Variants in RABGAP1L observed in about 807,000 individuals in gnomAD.
RABGAP1L encodes RAB GTPase activating protein 1 like.
Under a neutral mutation model 137.7 loss-of-function variants are expected in RABGAP1L, and 63 were observed. The ratio of observed to expected loss-of-function variants is 0.46; its 90% CI spans 0.37 to 0.56. The LOEUF (loss-of-function observed/expected upper bound fraction) is 0.56. Among genes scored for constraint, RABGAP1L ranks in the 20% least tolerant of loss-of-function variants. The probability of loss-of-function intolerance (pLI) is 0.00; values close to 1 mark genes in which losing one functional copy is unlikely to be tolerated. For missense variants in RABGAP1L, 1,095 were observed against 1,244.0 expected (o/e 0.88, Z 1.80); for synonymous variants, 431 against 433.7 (o/e 0.99, Z 0.08).
chr1:174,797,511 G>A (rs1431435634), intron 18 of RABGAP1L, among the ~76,000 whole-genome samples: 9 of 142,578 alleles, frequency 6.3e-5, no homozygotes, highest in Non-Finnish European at 1.2e-4. Flanking sequence ...TGTGGGATGT[G>A]TGTGTAGGGG....
At chr1:174,452,994 A>G (rs1351641486) in intron 13 of RABGAP1L, among the ~76,000 whole-genome samples, 1 of 152,120 alleles carries the variant, frequency 6.6e-6, no homozygotes, top group Non-Finnish European at 1.5e-5. Flanking sequence ...CTTTTTGCAA[A>G]TCTATTTAAA....
intron 17 of RABGAP1L, among the ~76,000 whole-genome samples, chr1:174,744,875 A>G (rs562608016): frequency 6.6e-6 from 1 of 152,368 alleles, no homozygotes; most frequent in Admixed American, 6.5e-5. Context: ...TGATCATTAT[A>G]CTATGGTTAT....
intron 1 of RABGAP1L, among the ~76,000 whole-genome samples, chr1:174,207,027 C>T (rs1237298143): frequency 6.6e-6 from 1 of 152,088 alleles, no homozygotes; most frequent in East Asian, 1.9e-4. Flanking sequence ...ATAGAAGAAA[C>T]AAAACACTGA....
chr1:174,489,586 G>A (rs1660020430), intron 13 of RABGAP1L, among the ~76,000 whole-genome samples: 2 of 151,760 alleles, frequency 1.3e-5, no homozygotes, highest in Admixed American at 6.6e-5. Context: ...TGGTGGGACT[G>A]TAAACTAGTT....
Position 174,185,193 on chromosome 1 carries a change from A to G in RABGAP1L, c.-34+25536A>G, listed in dbSNP as rs867727606. Among the ~76,000 whole-genome samples, 5 of 152,282 alleles carry G rather than the reference A, an allele frequency of 3.3e-5. 1 individual carries two copies. The highest frequency in any genetic ancestry group is 6.8e-3 in the Middle Eastern group (2 of 294). ...GTGACAGTATCTGCAAAATATGGGG[A>G]CACCTTAAGATGCCTTATAATCTTT... is the stretch of plus-strand genomic sequence containing the variant. On this transcript the variant is annotated intron_variant, in intron 1 of 25. Coordinates refer to ENST00000681986, the MANE Select transcript of RABGAP1L (RefSeq NM_001366446.1).
chr1:174,565,096 A>G (rs956631356), intron 13 of RABGAP1L, among the ~76,000 whole-genome samples: 8 of 152,150 alleles, frequency 5.3e-5, no homozygotes, highest in African/African-American at 9.7e-5. Context: ...TAGAGGTCAC[A>G]TTTAGTGAGG....
intron 21 of RABGAP1L, among the ~76,000 whole-genome samples, chr1:174,974,891 C>T (rs1424025363): frequency 6.6e-6 from 1 of 152,236 alleles, no homozygotes; most frequent in Non-Finnish European, 1.5e-5. Context: ...CCCATCTGGA[C>T]ATGTGGGAGA....
intron 22 of RABGAP1L, among the ~76,000 whole-genome samples, chr1:174,978,028 G>A (rs927647384): frequency 1.3e-5 from 2 of 152,184 alleles, no homozygotes; most frequent in African/African-American, 4.8e-5. Flanking sequence ...TAAAGTTTAA[G>A]CAGAGTTGTT....
rs188814477 is a variant in RABGAP1L, at chr1:174,543,692, A to G, written c.1711-93683A>G. On this transcript the variant is annotated intron_variant, in intron 13 of 25. Coordinates refer to ENST00000681986, the MANE Select transcript of RABGAP1L (RefSeq NM_001366446.1). Reference sequence around the variant, plus strand: ...TTGATGCAGTTTCTTCCTAGCCTCGATGGTCTTTACCATTTGGCATGTTTT... The same window carrying G: ...TTGATGCAGTTTCTTCCTAGCCTCGGTGGTCTTTACCATTTGGCATGTTTT... 1.4e-4 allele frequency among the ~76,000 whole-genome samples: 22 copies of G among 152,256 alleles called. No homozygotes were observed. In the East Asian group the frequency reaches 4.2e-3, roughly 29 times the overall value.
At chr1:174,601,665 A>G in intron 13 of RABGAP1L, among the ~76,000 whole-genome samples, 1 of 152,266 alleles carries the variant, frequency 6.6e-6, no homozygotes, top group African/African-American at 2.4e-5. Context: ...AAATAAATAA[A>G]TAAGAAAAAT....
At chr1:174,897,744 C>T (rs1037653211) in intron 19 of RABGAP1L, 1 of 152,314 alleles carries the variant, frequency 6.6e-6, no homozygotes, top group Non-Finnish European at 1.5e-5. Context: ...AATCCCAGCA[C>T]TTTGGGAGGC....
intron 1 of RABGAP1L, among the ~76,000 whole-genome samples, chr1:174,188,532 A>G (rs999198162): frequency 2.0e-5 from 3 of 152,212 alleles, no homozygotes; most frequent in African/African-American, 7.2e-5. Flanking sequence ...AGCACTGTAG[A>G]GGGAGTGATT....
intron 18 of RABGAP1L, among the ~76,000 whole-genome samples, chr1:174,783,875 AT>A (rs200901482): frequency 0.021 from 3,105 of 149,844 alleles, 53 homozygotes; most frequent in Middle Eastern, 0.086. Context: ...TGCCTAGCTA[AT>A]TTTTTTTATC....
At chr1:174,648,878 G>A (rs1006463083) in intron 14 of RABGAP1L, among the ~76,000 whole-genome samples, 1 of 152,098 alleles carries the variant, frequency 6.6e-6, no homozygotes, top group Non-Finnish European at 1.5e-5. Context: ...ATGAATCTGG[G>A]TGCTCCTATG....
At chr1:174,314,076 G>A (rs1396569816) in intron 11 of RABGAP1L, among the ~76,000 whole-genome samples, 1 of 152,086 alleles carries the variant, frequency 6.6e-6, no homozygotes, top group Non-Finnish European at 1.5e-5. Context: ...GCAGTAGTTC[G>A]ATTTGGATTG....
chr1:174,435,810 C>G (rs1357564524), intron 13 of RABGAP1L, among the ~76,000 whole-genome samples: 1 of 139,796 alleles, frequency 7.2e-6, no homozygotes, highest in Non-Finnish European at 1.5e-5. Context: ...CCCCTCTCCC[C>G]CGACACCACA....
chr1:174,880,333 C>T (rs1171591391), intron 19 of RABGAP1L, among the ~76,000 whole-genome samples: 2 of 151,828 alleles, frequency 1.3e-5, no homozygotes, highest in Admixed American at 1.3e-4. Context: ...AAAGCTTATC[C>T]AGAGAATTCA....
chr1:174,818,223 G>T (rs1244305674), intron 19 of RABGAP1L, among the ~76,000 whole-genome samples: 2 of 152,172 alleles, frequency 1.3e-5, no homozygotes, highest in African/African-American at 4.8e-5. Flanking sequence ...GCATTCACAT[G>T]TAAAATACAG....
intron 12 of RABGAP1L, among the ~76,000 whole-genome samples, chr1:174,383,656 G>T (rs1039551958): frequency 2.0e-5 from 3 of 152,186 alleles, no homozygotes; most frequent in Admixed American, 6.5e-5. Flanking sequence ...GCTCGCGCAC[G>T]GTGCGCGCAC....
Sources: allele counts gnomAD v4.1 joint callset (sites outside exome capture counted in the v4.1 genomes callset), GRCh38; gene constraint gnomAD v4.1.1; transcripts MANE v1.5; gene names NCBI Gene and HGNC (gene_info 2026-07-23, HGNC 2026-07-21).